The following ATRNL1 variants were observed in gnomAD, a reference collection of about 807,000 sequenced individuals.
ATRNL1 encodes attractin like 1.
Under a neutral mutation model 182.7 loss-of-function variants are expected in ATRNL1, and 95 were observed. The observed-to-expected ratio is 0.52, with a 90% confidence interval of 0.44 to 0.62. The LOEUF (loss-of-function observed/expected upper bound fraction) is 0.62. Among genes scored for constraint, ATRNL1 ranks in the 20% least tolerant of loss-of-function variants. The probability of loss-of-function intolerance (pLI) is 0.00; values close to 1 mark genes in which losing one functional copy is unlikely to be tolerated. For synonymous variants in ATRNL1, 576 were observed against 568.3 expected, an observed-to-expected ratio of 1.01 and a Z score of -0.19; for missense variants, 1,471 against 1,679.5, an observed-to-expected ratio of 0.88 and a Z score of 2.17.
chr10:115,430,546 T>A (rs1846109518), intron 21 of ATRNL1, among the ~76,000 whole-genome samples: 1 of 152,210 alleles, frequency 6.6e-6, no homozygotes, highest in South Asian at 2.1e-4. Flanking sequence ...ATGTGCTGCC[T>A]GTTATATAGG....
intron 21 of ATRNL1, among the ~76,000 whole-genome samples, chr10:115,452,883 C>T (rs1847345569): frequency 1.3e-5 from 2 of 152,016 alleles, no homozygotes; most frequent in South Asian, 4.1e-4. Context: ...AACCACCTTT[C>T]TATTCTCTGC....
chr10:115,264,748 A>G (rs1851536243), intron 10 of ATRNL1, among the ~76,000 whole-genome samples: 1 of 151,576 alleles, frequency 6.6e-6, no homozygotes, highest in African/African-American at 2.4e-5. Context: ...CCTGATGATT[A>G]TATTTTTAGG....
chr10:115,750,709 AT>A (rs1414048366), intron 27 of ATRNL1, among the ~76,000 whole-genome samples: 1 of 152,044 alleles, frequency 6.6e-6, no homozygotes, highest in Non-Finnish European at 1.5e-5. Flanking sequence ...AATATTTGCA[AT>A]TTTTGTCATA....
At chr10:115,323,708 T>G (rs1854713844) in intron 18 of ATRNL1, among the ~76,000 whole-genome samples, 1 of 151,994 alleles carries the variant, frequency 6.6e-6, no homozygotes, top group Admixed American at 6.6e-5. Context: ...CCTCCCAAAG[T>G]GCTGGGATTA....
intron 27 of ATRNL1, among the ~76,000 whole-genome samples, chr10:115,761,522 T>C (rs1308694982): frequency 6.6e-6 from 1 of 152,204 alleles, no homozygotes; most frequent in African/African-American, 2.4e-5. Flanking sequence ...AAAACAGGAT[T>C]GAAGAGTGAT....
chr10:115,536,608 G>A (rs937749741), intron 25 of ATRNL1, among the ~76,000 whole-genome samples: 13 of 152,160 alleles, frequency 8.5e-5, no homozygotes, highest in Non-Finnish European at 1.5e-4. Context: ...CGCACGGTGC[G>A]CTGCACCCAC....
At chr10:115,318,055 G>A (rs1281054924) in intron 18 of ATRNL1, among the ~76,000 whole-genome samples, 2 of 151,640 alleles carry the variant, frequency 1.3e-5, no homozygotes, top group Admixed American at 6.6e-5. Context: ...TCCTATTATC[G>A]AGCTGTGTTC....
chr10:115,152,177 G>C (rs1272103405), intron 5 of ATRNL1, among the ~76,000 whole-genome samples: 1 of 151,860 alleles, frequency 6.6e-6, no homozygotes. Context: ...TTTTGGCTTA[G>C]GATTGTCTTG....
intron 19 of ATRNL1, among the ~76,000 whole-genome samples, chr10:115,364,996 C>G (rs1425541232): frequency 6.6e-6 from 1 of 150,514 alleles, no homozygotes; most frequent in Non-Finnish European, 1.5e-5. Context: ...TTGGTTGTGT[C>G]TCTGCCCGGC....
At chr10:115,214,786 A>G (rs1445785079) in intron 8 of ATRNL1, among the ~76,000 whole-genome samples, 6 of 152,136 alleles carry the variant, frequency 3.9e-5, no homozygotes, top group African/African-American at 1.4e-4. Context: ...TCCCTTGCAT[A>G]TGATTGGTGT....
intron 19 of ATRNL1, among the ~76,000 whole-genome samples, chr10:115,392,524 T>C (rs1267278684): frequency 1.3e-5 from 2 of 152,222 alleles, no homozygotes; most frequent in African/African-American, 4.8e-5. Flanking sequence ...CTATTCCATA[T>C]GTTCTTTCAT....
chr10:115,349,306 T>G (rs1170645881), intron 19 of ATRNL1, among the ~76,000 whole-genome samples: 1 of 152,240 alleles, frequency 6.6e-6, no homozygotes, highest in African/African-American at 2.4e-5. Context: ...TTTTTAATGG[T>G]GGAATAATGT....
intron 18 of ATRNL1, among the ~76,000 whole-genome samples, chr10:115,330,658 T>G (rs1855163889): frequency 6.6e-6 from 1 of 150,612 alleles, no homozygotes; most frequent in Non-Finnish European, 1.5e-5. Flanking sequence ...TGGAATTCCT[T>G]TATGTGTTAT....
At chr10:115,321,613 T>C (rs1048311684) in intron 18 of ATRNL1, among the ~76,000 whole-genome samples, 2 of 151,820 alleles carry the variant, frequency 1.3e-5, no homozygotes, top group South Asian at 2.1e-4. Flanking sequence ...GTAATGAATT[T>C]CCTGTTTTTG....
chr10:115,476,913 A>AT (rs1301848029), intron 24 of ATRNL1, among the ~76,000 whole-genome samples: 4 of 151,446 alleles, frequency 2.6e-5, no homozygotes, highest in Non-Finnish European at 5.9e-5. Flanking sequence ...TTATTTATCC[A>AT]TTATTAGCCC....
intron 8 of ATRNL1, among the ~76,000 whole-genome samples, chr10:115,204,427 A>G (rs1440736042): frequency 6.6e-6 from 1 of 152,128 alleles, no homozygotes; most frequent in Non-Finnish European, 1.5e-5. Context: ...TGGACTTGTC[A>G]TATATGGCTT....
intron 13 of ATRNL1, among the ~76,000 whole-genome samples, chr10:115,277,820 T>C (rs1852171650): frequency 6.6e-6 from 1 of 152,166 alleles, no homozygotes. Context: ...AAATTAACTT[T>C]TAATCTCTCA....
At chr10:115,704,477 G>A (rs1363687083) in intron 26 of ATRNL1, among the ~76,000 whole-genome samples, 1 of 151,672 alleles carries the variant, frequency 6.6e-6, no homozygotes, top group African/African-American at 2.4e-5. Context: ...TTACCTTTTT[G>A]GGGAGACATA....
intron 27 of ATRNL1, among the ~76,000 whole-genome samples, chr10:115,772,178 C>T (rs1420673238): frequency 2.6e-5 from 4 of 152,204 alleles, no homozygotes; most frequent in African/African-American, 7.2e-5. Flanking sequence ...AGAAGGTTAA[C>T]AATTTGTGTA....
Sources: allele counts gnomAD v4.1 joint callset (sites outside exome capture counted in the v4.1 genomes callset), GRCh38; gene constraint gnomAD v4.1.1; transcripts MANE v1.5; gene names NCBI Gene and HGNC (gene_info 2026-07-23, HGNC 2026-07-21).